Variants in EPHB1 observed in about 807,000 individuals in gnomAD.
EPHB1 encodes ephrin type-B receptor 1.
In EPHB1, 30 loss-of-function variants were observed where a neutral mutation model predicts 94.4. The observed-to-expected ratio is 0.32, with a 90% confidence interval of 0.24 to 0.43. The LOEUF is 0.43. EPHB1 is among the 20% of genes least tolerant of loss of function. The pLI is 1.00. For synonymous variants in EPHB1, 522 were observed against 489.1 expected, an observed-to-expected ratio of 1.07 and a Z score of -0.89; for missense variants, 1,055 against 1,308.3, an observed-to-expected ratio of 0.81 and a Z score of 2.99.
chr3:134,993,834 G>A (rs1042840359), intron 3 of EPHB1, among the ~76,000 whole-genome samples: 2 of 152,192 alleles, frequency 1.3e-5, no homozygotes, highest in African/African-American at 2.4e-5. Flanking sequence ...CATCTTACAG[G>A]GTTTCTACCT....
chr3:135,242,371 G>A (rs1501202), intron 13 of EPHB1, among the ~76,000 whole-genome samples: 27,589 of 152,116 alleles, frequency 0.18, 2,579 homozygotes, highest in South Asian at 0.27. Flanking sequence ...AACCCCCTCT[G>A]TGCTAGGGTG....
intron 3 of EPHB1, among the ~76,000 whole-genome samples, chr3:134,993,382 C>G (rs1271303525): frequency 6.6e-6 from 1 of 152,208 alleles, no homozygotes; most frequent in Non-Finnish European, 1.5e-5. Context: ...TGCCCAGCAC[C>G]AGAGAGCCTC....
chr3:134,809,370 A>ATT (rs11440776), intron 1 of EPHB1, among the ~76,000 whole-genome samples: 4,566 of 149,734 alleles, frequency 0.03, 78 homozygotes, highest in Non-Finnish European at 0.049. Context: ...AAAAGAACAG[A>ATT]TTTTTTTTTT....
At chr3:134,883,618 C>T (rs2037805744) in intron 1 of EPHB1, among the ~76,000 whole-genome samples, 1 of 152,180 alleles carries the variant, frequency 6.6e-6, no homozygotes, top group Non-Finnish European at 1.5e-5. Flanking sequence ...GGTTCCTGGG[C>T]TAGGTTTTAA....
At chr3:134,948,463 GA>G (rs377501012) in intron 2 of EPHB1, among the ~76,000 whole-genome samples, 1,853 of 147,890 alleles carry the variant, frequency 0.013, 13 homozygotes, top group Middle Eastern at 0.027. Context: ...CTCCATGGCT[GA>G]AAAAAAAAAT....
intron 1 of EPHB1, among the ~76,000 whole-genome samples, chr3:134,876,427 T>G (rs116087919): frequency 6.6e-6 from 1 of 152,296 alleles, no homozygotes; most frequent in African/African-American, 2.4e-5. Context: ...TTCACAAAGC[T>G]GAAAAAAATA....
intron 12 of EPHB1, among the ~76,000 whole-genome samples, chr3:135,228,140 A>T (rs1943443484): frequency 6.6e-6 from 1 of 152,040 alleles, no homozygotes; most frequent in Non-Finnish European, 1.5e-5. Flanking sequence ...TTTTCGCTCT[A>T]GTACAGGATC....
Position 134,811,242 on chromosome 3 carries a change from G to GTTTTTTTTTTTTTTTT in EPHB1, c.58+15559_58+15574dup, listed in dbSNP as rs397966930. 1.1e-3 allele frequency among the ~76,000 whole-genome samples: 83 copies of GTTTTTTTTTTTTTTTT among 73,872 alleles called. 12 individuals are homozygous for GTTTTTTTTTTTTTTTT. Among genetic ancestry groups the GTTTTTTTTTTTTTTTT allele is most frequent in the East Asian group, 2.3e-3 (6 of 2,666 alleles). 48.5% of individuals were successfully genotyped at this position (73,872 alleles called of 152,430 possible). ...TCTCATAGTTGCCCCTACTAAGAAG[G>GTTTTTTTTTTTTTTTT]TTTTTTTTTTTTTTTTTTTTTCTGT... On this transcript the variant is annotated intron_variant, in intron 1 of 15. Coordinates refer to ENST00000398015, the MANE Select transcript of EPHB1 (RefSeq NM_004441.5).
rs1385600362 is a variant in EPHB1, at chr3:135,201,484, G to T, written c.2141G>T (p.Gly714Val). 1 of 1,613,968 alleles carries T rather than the reference G, an allele frequency of 6.2e-7. No homozygotes were observed. Among genetic ancestry groups the T allele is most frequent in the Non-Finnish European group, 8.5e-7 (1 of 1,179,986 alleles). ...TATGTCTTATTACAGCAAAATGACG[G>T]GCAGTTCACCGTGATCCAGCTTGTG... is the stretch of plus-strand genomic sequence containing the variant. ...ALDSFLRQND[G>V]QFTVIQLVGM... Residue 714 changes from glycine (G) to valine (V), a missense_variant, in exon 12 of 16, where the codon GGG becomes GTG. Transcript: ENST00000398015.
intron 15 of EPHB1, among the ~76,000 whole-genome samples, chr3:135,257,756 C>CGGCTG (rs923075717): frequency 2.7e-5 from 4 of 149,050 alleles, no homozygotes; most frequent in African/African-American, 9.8e-5. Context: ...TCGAGCTTCC[C>CGGCTG]GGCTGCTTTG....
chr3:135,001,277 T>G (rs1378958960), intron 3 of EPHB1, among the ~76,000 whole-genome samples: 1 of 152,114 alleles, frequency 6.6e-6, no homozygotes, highest in East Asian at 1.9e-4. Context: ...AATGGGGGAT[T>G]GGAATCAAGA....
chr3:134,971,379 A>C (rs1933964357), intron 3 of EPHB1, among the ~76,000 whole-genome samples: 1 of 152,174 alleles, frequency 6.6e-6, no homozygotes, highest in Non-Finnish European at 1.5e-5. Flanking sequence ...TTCCAGTAGC[A>C]GGTAGAGTCG....
intron 4 of EPHB1, among the ~76,000 whole-genome samples, chr3:135,124,270 C>T (rs957205491): frequency 1.3e-5 from 2 of 151,722 alleles, no homozygotes; most frequent in Non-Finnish European, 2.9e-5. Flanking sequence ...ATGGCCTCTG[C>T]TCTGAGAGAG....
intron 1 of EPHB1, among the ~76,000 whole-genome samples, chr3:134,831,019 T>C (rs2036572462): frequency 6.6e-6 from 1 of 152,192 alleles, no homozygotes; most frequent in Admixed American, 6.5e-5. Flanking sequence ...CTTCCTACTG[T>C]CATGCAAGCT....
At chr3:135,023,833 T>G (rs1936054275) in intron 3 of EPHB1, among the ~76,000 whole-genome samples, 1 of 152,204 alleles carries the variant, frequency 6.6e-6, no homozygotes, top group Non-Finnish European at 1.5e-5. Context: ...CTAGCCACTA[T>G]TTTATACCAT....
At chr3:135,136,166 G>C (rs1196141830) in intron 5 of EPHB1, among the ~76,000 whole-genome samples, 1 of 152,156 alleles carries the variant, frequency 6.6e-6, no homozygotes, top group Non-Finnish European at 1.5e-5. Context: ...CCAACAATAG[G>C]CTCTTCTTGA....
intron 3 of EPHB1, among the ~76,000 whole-genome samples, chr3:135,101,743 G>A (rs951401262): frequency 9.2e-5 from 14 of 152,144 alleles, no homozygotes; most frequent in African/African-American, 3.1e-4. Flanking sequence ...TAGCATAAGT[G>A]TGGTTACAAA....
At chr3:134,949,172 G>C (rs923635589) in intron 2 of EPHB1, among the ~76,000 whole-genome samples, 1 of 152,142 alleles carries the variant, frequency 6.6e-6, no homozygotes, top group Non-Finnish European at 1.5e-5. Context: ...TGGCCTGTGT[G>C]TCCCGGAACT....
chr3:135,219,321 G>A (rs1008892572), intron 12 of EPHB1, among the ~76,000 whole-genome samples: 5 of 152,210 alleles, frequency 3.3e-5, no homozygotes, highest in South Asian at 2.1e-4. Flanking sequence ...TTTGGAAATA[G>A]GCTTTTGCAG....
Sources: gnomAD v4.1 joint callset for allele counts (sites outside exome capture counted in the v4.1 genomes callset) on GRCh38, gnomAD v4.1.1 for gene constraint, MANE v1.5 for transcripts, NCBI Gene and HGNC (gene_info 2026-07-23, HGNC 2026-07-21) for gene names.